Variants in SKAP2 observed in about 807,000 individuals in gnomAD.
The protein encoded by SKAP2 is src kinase-associated phosphoprotein 2.
In SKAP2, 28 loss-of-function variants were observed where a neutral mutation model predicts 54.9. The ratio of observed to expected loss-of-function variants is 0.51; its 90% CI spans 0.38 to 0.70. The LOEUF (loss-of-function observed/expected upper bound fraction) is 0.70. Among genes scored for constraint, SKAP2 ranks in the 30% least tolerant of loss-of-function variants. The pLI, the probability that SKAP2 is intolerant of heterozygous loss-of-function variation, is 0.00. For missense variants in SKAP2, 356 were observed against 424.1 expected (o/e 0.84, Z 1.41); for synonymous variants, 137 against 134.3 (o/e 1.02, Z -0.14).
chr7:26,834,995 C>T (rs1049881256), intron 4 of SKAP2, among the ~76,000 whole-genome samples: 1 of 152,194 alleles, frequency 6.6e-6, no homozygotes, highest in African/African-American at 2.4e-5. Flanking sequence ...AGCTTATCCA[C>T]CACAATCAAG....
At chr7:26,755,178 C>T (rs1782763525) in intron 4 of SKAP2, among the ~76,000 whole-genome samples, 1 of 152,090 alleles carries the variant, frequency 6.6e-6, no homozygotes, top group Non-Finnish European at 1.5e-5. Context: ...AAGTCCCCTT[C>T]ACCTGGATAG....
intron 6 of SKAP2, 124 bp from the exon 7 acceptor site, chr7:26,727,130 T>C: frequency 1.5e-6 from 1 of 656,814 alleles, no homozygotes. Flanking sequence ...TTTAGTAATA[T>C]AATGCTTAGG....
chr7:26,662,569 A>C (rs985093835), downstream of SKAP2, among the ~76,000 whole-genome samples: 1 of 152,146 alleles, frequency 6.6e-6, no homozygotes, highest in South Asian at 2.1e-4. Context: ...TCTATGTTTG[A>C]AATACCCCTT....
At chr7:26,743,305 C>G (rs1195043803) in intron 4 of SKAP2, among the ~76,000 whole-genome samples, 1 of 152,104 alleles carries the variant, frequency 6.6e-6, no homozygotes, top group Non-Finnish European at 1.5e-5. Context: ...TTATATGTTA[C>G]TATAACTGTA....
intron 4 of SKAP2, among the ~76,000 whole-genome samples, chr7:26,798,194 G>C (rs1017594643): frequency 6.6e-6 from 1 of 151,752 alleles, no homozygotes; most frequent in Non-Finnish European, 1.5e-5. Context: ...CAAGAAAAAA[G>C]AAACAAATAG....
At chr7:26,715,783 C>T (rs533689296) in intron 9 of SKAP2, among the ~76,000 whole-genome samples, 84 of 152,086 alleles carry the variant, frequency 5.5e-4, no homozygotes, top group African/African-American at 2.0e-3. Flanking sequence ...CTGTTCCCTC[C>T]CCCAAAAAAA....
the SKAP2 span, among the ~76,000 whole-genome samples, chr7:26,657,061 C>T: frequency 2.6e-5 from 4 of 152,126 alleles, no homozygotes; most frequent in African/African-American, 4.8e-5. Context: ...TGGATCCAAA[C>T]GGTCTGAATA....
chr7:26,836,790 G>A (rs942488797), intron 4 of SKAP2, among the ~76,000 whole-genome samples: 6 of 152,154 alleles, frequency 3.9e-5, no homozygotes, highest in Admixed American at 6.5e-5. Flanking sequence ...GATTCCTCAA[G>A]GATCTAGAAC....
chr7:26,678,116 C>T (rs1467442331), intron 11 of SKAP2, among the ~76,000 whole-genome samples: 2 of 152,110 alleles, frequency 1.3e-5, no homozygotes, highest in Non-Finnish European at 2.9e-5. Flanking sequence ...CATCAGTTTC[C>T]TAATCTGTAA....
intron 4 of SKAP2, among the ~76,000 whole-genome samples, chr7:26,823,808 T>C (rs907470361): frequency 3.9e-5 from 6 of 152,194 alleles, no homozygotes; most frequent in Admixed American, 1.3e-4. Context: ...AAGTGGACCC[T>C]GCAGATATGA....
chr7:26,731,896 T>C (rs1182027733), intron 6 of SKAP2, among the ~76,000 whole-genome samples: 1 of 152,218 alleles, frequency 6.6e-6, no homozygotes, highest in African/African-American at 2.4e-5. Flanking sequence ...GCAAATATAC[T>C]TGTTTTTTCT....
At chr7:26,794,346 G>A (rs150936738) in intron 4 of SKAP2, among the ~76,000 whole-genome samples, 108 of 152,300 alleles carry the variant, frequency 7.1e-4, no homozygotes, top group African/African-American at 2.4e-3. Context: ...GAATGACCCC[G>A]TATGGCAGAT....
rs1785129052 is a variant in SKAP2, at chr7:26,854,949, GATAA to G, written c.68-63_68-60del. The G allele has an allele frequency of 1.1e-5, 13 of 1,178,280 alleles. No individual in the cohort carries two copies. In the East Asian group the frequency reaches 3.2e-4, roughly 29 times the overall value. The allele number at this position is 1,178,280 out of a possible 1,614,324, so 73.0% of individuals were successfully genotyped here. ...TTATAAGAAATAAAGGTTTTGTGAA[GATAA>G]ATAGGACAATGATTGTTTCTACATA... is the stretch of plus-strand genomic sequence containing the variant. On this transcript the variant is annotated intron_variant, in intron 1 of 12. Transcript: ENST00000345317.
chr7:26,671,600 G>C (rs1737190733), intron 11 of SKAP2, among the ~76,000 whole-genome samples: 1 of 152,062 alleles, frequency 6.6e-6, no homozygotes, highest in African/African-American at 2.4e-5. Context: ...ACAAAGTGGA[G>C]GGGGAGAGGG....
intron 4 of SKAP2, among the ~76,000 whole-genome samples, chr7:26,758,596 T>C (rs1782855134): frequency 6.6e-6 from 1 of 152,112 alleles, no homozygotes; most frequent in African/African-American, 2.4e-5. Flanking sequence ...ACCACTATCA[T>C]TGCCTAGAAA....
chr7:26,828,695 A>C (rs1784543646), intron 4 of SKAP2, among the ~76,000 whole-genome samples: 1 of 142,888 alleles, frequency 7.0e-6, no homozygotes, highest in African/African-American at 2.6e-5. Flanking sequence ...AAAAAAATAG[A>C]ATCTTCAGTT....
intron 6 of SKAP2, among the ~76,000 whole-genome samples, chr7:26,731,211 C>A (rs1373584261): frequency 6.6e-6 from 1 of 152,168 alleles, no homozygotes; most frequent in Non-Finnish European, 1.5e-5. Flanking sequence ...TACCACTCTG[C>A]ACTTGCTATA....
chr7:26,740,006 T>A, intron 4 of SKAP2, 42 bp from the exon 5 acceptor site: 1 of 1,270,770 alleles, frequency 7.9e-7, no homozygotes, highest in African/African-American at 1.5e-5. Flanking sequence ...CAGTGGGTAA[T>A]CCATTTCAGA....
chr7:26,792,345 T>C (rs1783688357), intron 4 of SKAP2, among the ~76,000 whole-genome samples: 1 of 152,212 alleles, frequency 6.6e-6, no homozygotes, highest in African/African-American at 2.4e-5. Flanking sequence ...TTTTATTGTA[T>C]GTAAATTATA....
Sources: allele counts gnomAD v4.1 joint callset (sites outside exome capture counted in the v4.1 genomes callset), GRCh38; gene constraint gnomAD v4.1.1; transcripts MANE v1.5; gene names NCBI Gene and HGNC (gene_info 2026-07-23, HGNC 2026-07-21).